The following CNTNAP2 variants were observed in gnomAD, a reference collection of about 807,000 sequenced individuals.
CNTNAP2 encodes contactin associated protein 2, also known as contactin-associated protein-like 2.
Under a neutral mutation model 155.2 loss-of-function variants are expected in CNTNAP2, and 98 were observed. The observed-to-expected ratio is 0.63, with a 90% confidence interval of 0.54 to 0.75. The LOEUF (loss-of-function observed/expected upper bound fraction) is 0.75. CNTNAP2 is among the 30% of genes least tolerant of loss of function. The pLI is 0.00. For missense variants in CNTNAP2, 1,727 were observed against 1,688.1 expected, an observed-to-expected ratio of 1.02 and a Z score of -0.40; for synonymous variants, 651 against 631.2, an observed-to-expected ratio of 1.03 and a Z score of -0.47.
At chr7:147,333,615 T>C (rs192858901) in intron 9 of CNTNAP2, among the ~76,000 whole-genome samples, 2 of 152,172 alleles carry the variant, frequency 1.3e-5, no homozygotes, top group African/African-American at 2.4e-5. Flanking sequence ...TAAGTAAATA[T>C]AATTGACCTA....
intron 3 of CNTNAP2, among the ~76,000 whole-genome samples, chr7:146,890,447 G>A (rs1168230666): frequency 1.3e-5 from 2 of 152,068 alleles, no homozygotes; most frequent in African/African-American, 2.4e-5. Flanking sequence ...CATAGACATG[G>A]CACCACTTTT....
intron 8 of CNTNAP2, among the ~76,000 whole-genome samples, chr7:147,269,142 ACCTTGCAGTAAATTCT>A (rs1007115812): frequency 2.0e-5 from 3 of 152,140 alleles, no homozygotes; most frequent in African/African-American, 7.2e-5. Context: ...AGCTTAATTC[ACCTTGCAGTAAATTCT>A]CCTCTGTTTG....
intron 10 of CNTNAP2, among the ~76,000 whole-genome samples, chr7:147,448,378 GC>G (rs1797777009): frequency 6.6e-6 from 1 of 151,646 alleles, no homozygotes; most frequent in Non-Finnish European, 1.5e-5. Context: ...TTATCTATCT[GC>G]ATAAGATTCT....
At chr7:147,579,633 G>A (rs1800460873) in intron 12 of CNTNAP2, among the ~76,000 whole-genome samples, 1 of 151,986 alleles carries the variant, frequency 6.6e-6, no homozygotes, top group South Asian at 2.1e-4. Flanking sequence ...GTTTCACCAA[G>A]CCCCAGACCA....
intron 3 of CNTNAP2, among the ~76,000 whole-genome samples, chr7:146,879,957 AGCC>A (rs1223508656): frequency 6.6e-6 from 1 of 151,998 alleles, no homozygotes; most frequent in African/African-American, 2.4e-5. Flanking sequence ...ACAGAACAAG[AGCC>A]AAGTGAAAGG....
intron 10 of CNTNAP2, among the ~76,000 whole-genome samples, chr7:147,414,884 G>C (rs1245982870): frequency 6.9e-6 from 1 of 144,048 alleles, no homozygotes; most frequent in East Asian, 2.1e-4. Flanking sequence ...GGAGCCTGCA[G>C]TGAGCCGAGA....
At chr7:147,246,069 C>CATATATATATATACATATATATGGA (rs1804057336) in intron 8 of CNTNAP2, among the ~76,000 whole-genome samples, 1 of 146,384 alleles carries the variant, frequency 6.8e-6, no homozygotes, top group African/African-American at 2.5e-5. Context: ...ATATATATGG[C>CATATATATATATACATATATATGGA]ATATATATAT....
At chr7:147,658,908 C>T (rs766068981) in intron 13 of CNTNAP2, among the ~76,000 whole-genome samples, 3 of 152,092 alleles carry the variant, frequency 2.0e-5, no homozygotes, top group African/African-American at 4.8e-5. Context: ...AATTTTGTTC[C>T]CATCTTTCCA....
At chr7:147,819,151 T>C (rs1798323038) in intron 13 of CNTNAP2, among the ~76,000 whole-genome samples, 1 of 152,144 alleles carries the variant, frequency 6.6e-6, no homozygotes, top group Non-Finnish European at 1.5e-5. Flanking sequence ...ATTTTAATCA[T>C]AGAGATGAGA....
intron 13 of CNTNAP2, among the ~76,000 whole-genome samples, chr7:147,695,400 C>A (rs1024724683): frequency 6.6e-6 from 1 of 152,096 alleles, no homozygotes; most frequent in African/African-American, 2.4e-5. Flanking sequence ...TGATTTTCTG[C>A]CTGCTGGATC....
At chr7:148,334,232 C>T (rs561544120) in intron 21 of CNTNAP2, among the ~76,000 whole-genome samples, 8 of 152,056 alleles carry the variant, frequency 5.3e-5, no homozygotes, top group South Asian at 2.1e-4. Context: ...GTTTTGGGTT[C>T]GAGGAGGCTG....
At chr7:147,428,320 C>A (rs1797413659) in intron 10 of CNTNAP2, among the ~76,000 whole-genome samples, 1 of 151,752 alleles carries the variant, frequency 6.6e-6, no homozygotes, top group African/African-American at 2.4e-5. Context: ...ACTTTGCAGC[C>A]TTTTTTTTCA....
At chr7:146,563,911 G>A (rs1411882770) in intron 1 of CNTNAP2, among the ~76,000 whole-genome samples, 1 of 152,098 alleles carries the variant, frequency 6.6e-6, no homozygotes, top group African/African-American at 2.4e-5. Context: ...TGCCCATGGA[G>A]ATACTACCTG....
chr7:146,684,315 C>T (rs1229516244), intron 1 of CNTNAP2, among the ~76,000 whole-genome samples: 2 of 152,018 alleles, frequency 1.3e-5, no homozygotes, highest in Non-Finnish European at 2.9e-5. Context: ...CTGCTGTTTT[C>T]GATGAGCTAA....
intron 17 of CNTNAP2, among the ~76,000 whole-genome samples, chr7:148,160,694 G>A (rs1349048013): frequency 6.6e-6 from 1 of 152,044 alleles, no homozygotes; most frequent in African/African-American, 2.4e-5. Flanking sequence ...GGATCCCTGG[G>A]GCTGGGGGTC....
intron 9 of CNTNAP2, among the ~76,000 whole-genome samples, chr7:147,327,131 G>T (rs909260178): frequency 6.6e-6 from 1 of 152,064 alleles, no homozygotes; most frequent in Admixed American, 6.6e-5. Context: ...GGCTTGTTAG[G>T]TTTTTCTACT....
At chr7:146,527,700 T>C (rs1187584668) in intron 1 of CNTNAP2, among the ~76,000 whole-genome samples, 3 of 152,140 alleles carry the variant, frequency 2.0e-5, no homozygotes, top group South Asian at 2.1e-4. Flanking sequence ...TAGTTCAAAG[T>C]TGATCATCTA....
intron 15 of CNTNAP2, among the ~76,000 whole-genome samples, chr7:148,000,628 G>A (rs1168026037): frequency 6.6e-6 from 1 of 152,146 alleles, no homozygotes; most frequent in Non-Finnish European, 1.5e-5. Context: ...TTACAGTTTA[G>A]CAAGGCTGCA....
At chr7:146,616,561 T>C in intron 1 of CNTNAP2, among the ~76,000 whole-genome samples, 1 of 152,124 alleles carries the variant, frequency 6.6e-6, no homozygotes, top group East Asian at 1.9e-4. Flanking sequence ...TTTGGTTTAT[T>C]ACTCATTATC....
Sources: gnomAD v4.1 joint callset for allele counts (sites outside exome capture counted in the v4.1 genomes callset) on GRCh38, gnomAD v4.1.1 for gene constraint, MANE v1.5 for transcripts, NCBI Gene and HGNC (gene_info 2026-07-23, HGNC 2026-07-21) for gene names.